The following KCNQ1 variants were observed in gnomAD, a reference collection of about 807,000 sequenced individuals.
KCNQ1 encodes potassium voltage-gated channel subfamily KQT member 1.
Under a neutral mutation model 72.4 loss-of-function variants are expected in KCNQ1, and 49 were observed. That is an observed-to-expected ratio of 0.68 (90% CI 0.54 to 0.86). The LOEUF (loss-of-function observed/expected upper bound fraction) is 0.86, where lower values mean the gene tolerates loss of function less well. Ranked by LOEUF, KCNQ1 falls within the 40% of genes least tolerant of loss-of-function variation. The pLI, the probability that KCNQ1 is intolerant of heterozygous loss-of-function variation, is 0.00. For synonymous variants in KCNQ1, 450 were observed against 412.6 expected (o/e 1.09, Z -1.10); for missense variants, 790 against 945.1 (o/e 0.84, Z 2.15).
intron 11 of KCNQ1, chr11:2,684,704 G>T (rs894723521): frequency 2.5e-6 from 1 of 398,662 alleles, no homozygotes; most frequent in Non-Finnish European, 4.4e-6. Flanking sequence ...ACTTGCTCAG[G>T]CGGAGGGGCC....
chr11:2,736,626 A>G (rs1031062176), intron 11 of KCNQ1, among the ~76,000 whole-genome samples: 1 of 151,198 alleles, frequency 6.6e-6, no homozygotes, highest in Non-Finnish European at 1.5e-5. Flanking sequence ...CCCACCCCCC[A>G]GTTACACAGC....
intron 11 of KCNQ1, chr11:2,686,412 G>A (rs1031880351): frequency 1.3e-5 from 5 of 398,508 alleles, no homozygotes; most frequent in African/African-American, 6.2e-5. Context: ...AGGATATTGT[G>A]GATACCTATG....
chr11:2,751,606 A>G (rs926990060), intron 11 of KCNQ1, among the ~76,000 whole-genome samples: 1 of 152,248 alleles, frequency 6.6e-6, no homozygotes, highest in Non-Finnish European at 1.5e-5. Context: ...CCTCTTTCAA[A>G]CGGGGCGGCG....
Position 2,670,621 on chromosome 11 carries a change from T to G in KCNQ1, c.1514+8540T>G. ...CAGACACACAATCTCTGGGGGAGCC[T>G]GGATATGCATGGCAGAGGCCAGGAT... On this transcript the variant is annotated intron_variant, in intron 11 of 15. Transcript: ENST00000155840. The surrounding 1 kb of genome is among the most constrained non-coding windows in gnomAD (Gnocchi z 4.9). 2.5e-6 allele frequency: 1 copy of G among 398,350 alleles called. No homozygotes were observed. The highest frequency in any genetic ancestry group is 3.6e-5 in the East Asian group (1 of 28,064). The allele number at this position is 398,350 out of a possible 1,614,324, so 24.7% of individuals were successfully genotyped here.
rs576365019 is a variant in KCNQ1 at position 2,763,216 on chromosome 11, G to A, written c.1515-5628G>A. 9.7e-4 allele frequency among the ~76,000 whole-genome samples: 147 copies of A among 152,130 alleles called. No individual in the cohort carries two copies. The Middle Eastern group carries it at 0.01, about 11-fold the overall frequency. Reference sequence around the variant, plus strand: ...AAGTCAAGTTAGGGCTTCTTTATCTGTCTCTCCAATGCTCAGTGCTTTTCT... The same window carrying A: ...AAGTCAAGTTAGGGCTTCTTTATCTATCTCTCCAATGCTCAGTGCTTTTCT... On this transcript the variant is annotated intron_variant, in intron 11 of 15. Transcript: ENST00000155840.
At chr11:2,694,808 G>A (rs1590037540) in intron 11 of KCNQ1, 1 of 398,540 alleles carries the variant, frequency 2.5e-6, no homozygotes, top group African/African-American at 2.1e-5. Context: ...TCGTCAGCTA[G>A]TGAGTGACTG....
chr11:2,550,639 G>A lies in KCNQ1; in HGVS notation c.478-19989G>A, dbSNP rs142940879. On this transcript the variant is annotated intron_variant, in intron 2 of 15. Transcript: ENST00000155840. This position sits in a 1 kb window ranked among gnomAD's most constrained non-coding sequence, Gnocchi z 6.0. ...GCGCCTCCCTGAGCAGGTGAATGAAGGGTGCTGGGGTGGCGAGTTGAGGGC... is the reference window on the plus strand; with the variant it reads ...GCGCCTCCCTGAGCAGGTGAATGAAAGGTGCTGGGGTGGCGAGTTGAGGGC... 2.1e-3 allele frequency among the ~76,000 whole-genome samples: 327 copies of A among 152,298 alleles called. 1 individual carries two copies. The highest frequency in any genetic ancestry group is 7.3e-3 in the African/African-American group (304 of 41,554).
In KCNQ1 at chr11:2,821,370, G is replaced by A. The variant is rs61869808; in HGVS notation, c.1795-26397G>A. Among the ~76,000 whole-genome samples the A allele has an allele frequency of 5.2e-3, 788 of 152,326 alleles. 1 individual carries two copies. The highest frequency in any genetic ancestry group is 8.2e-3 in the Non-Finnish European group (559 of 68,018). On this transcript the variant is annotated intron_variant, in intron 15 of 15. Transcript: ENST00000155840. ...GTGAGAATGGTGCCCATGGGGTCACGCCAGCCACACACACTTTCTCGAGAA... is the reference window on the plus strand; with the variant it reads ...GTGAGAATGGTGCCCATGGGGTCACACCAGCCACACACACTTTCTCGAGAA...
In KCNQ1 at chr11:2,659,155, T is replaced by C; in HGVS notation, c.1394-2806T>C. 2.5e-6 allele frequency: 1 copy of C among 398,632 alleles called. No homozygotes were observed. The highest frequency in any genetic ancestry group is 3.6e-5 in the East Asian group (1 of 28,080). The allele number at this position is 398,632 out of a possible 1,614,324, so 24.7% of individuals were successfully genotyped here. ...GTAAAATCCACTCTTTGAGATTCAG[T>C]TCTGTGGGTTTTGACAGATGTCTGG... On this transcript the variant is annotated intron_variant, in intron 10 of 15. Transcript: ENST00000155840. This position sits in a 1 kb window ranked among gnomAD's most constrained non-coding sequence, Gnocchi z 4.3.
rs1849281088 is a variant in KCNQ1, at chr11:2,627,524, T to C, written c.1394-34437T>C. On this transcript the variant is annotated intron_variant, in intron 10 of 15. Transcript: ENST00000155840. The surrounding 1 kb of genome is among the most constrained non-coding windows in gnomAD (Gnocchi z 4.9). The stretch of plus-strand genomic sequence containing the variant: ...TTCTCTGAGTTCAAGCTTTTTAGAA[T>C]TCCATATGTAACTGGGATAGTGCAG... 7.5e-6 allele frequency: 3 copies of C among 398,544 alleles called. No individual in the cohort carries two copies. Among genetic ancestry groups the C allele is most frequent in the Non-Finnish European group, 1.3e-5 (3 of 226,030 alleles). 24.7% of individuals were successfully genotyped at this position (398,544 alleles called of 1,614,324 possible). A position where few individuals can be genotyped will look rare whatever the true frequency, so the allele number is the denominator to read the frequency against.
At position 2,538,255 on chromosome 11, in the gene KCNQ1, C is replaced by T. The variant is rs1589937701; in HGVS notation, c.477+10237C>T. Among the ~76,000 whole-genome samples the T allele has an allele frequency of 6.6e-6, 1 of 152,310 alleles. No homozygotes were observed. Among genetic ancestry groups the T allele is most frequent in the Non-Finnish European group, 1.5e-5 (1 of 68,028 alleles). ...GTCACGCGGTTTCAGCTTCTTTGAC[C>T]TGGAGCAGCCCTGCCCGGCCTTCCC... On this transcript the variant is annotated intron_variant, in intron 2 of 15. Transcript: ENST00000155840. The surrounding 1 kb of genome is among the most constrained non-coding windows in gnomAD (Gnocchi z 6.7).
chr11:2,842,146 C>T (rs934285068), intron 15 of KCNQ1, among the ~76,000 whole-genome samples: 7 of 152,204 alleles, frequency 4.6e-5, no homozygotes, highest in African/African-American at 1.7e-4. Flanking sequence ...TGAGCGGACA[C>T]ACTCACCCTC....
At position 2,497,011 on chromosome 11, in the gene KCNQ1, G is replaced by A. The variant is rs550466789; in HGVS notation, c.387-30917G>A. Among the ~76,000 whole-genome samples, 6 of 152,294 alleles carry A rather than the reference G, an allele frequency of 3.9e-5. 1 individual carries two copies. In the East Asian group the frequency reaches 9.6e-4, roughly 24 times the overall value. ...ATTGGCTCCCACTCTCTTCTGGCTT[G>A]TAGGGTTTCTGCAGAGAGATTTGCT... On this transcript the variant is annotated intron_variant, in intron 1 of 15. Transcript: ENST00000155840. This position sits in a 1 kb window ranked among gnomAD's most constrained non-coding sequence, Gnocchi z 4.5.
At position 2,595,770 on chromosome 11, in the gene KCNQ1, C is replaced by T. The variant is rs1848725148; in HGVS notation, c.1393+6916C>T. 6.6e-6 allele frequency among the ~76,000 whole-genome samples: 1 copy of T among 152,170 alleles called. No individual in the cohort carries two copies. The highest frequency in any genetic ancestry group is 6.5e-5 in the Admixed American group (1 of 15,282). ...GCCCATAATCAAGGAGTAATGCCAA[C>T]TTTGAAGTCTTATTATTTAAGAAAT... is the stretch of plus-strand genomic sequence containing the variant. On this transcript the variant is annotated intron_variant, in intron 10 of 15. Coordinates refer to ENST00000155840, the MANE Select transcript of KCNQ1 (RefSeq NM_000218.3). The surrounding 1 kb of genome is among the most constrained non-coding windows in gnomAD (Gnocchi z 5.0).
intron 10 of KCNQ1, chr11:2,644,460 C>T (rs1262598464): frequency 2.5e-6 from 1 of 398,238 alleles, no homozygotes; most frequent in Admixed American, 4.4e-5. Flanking sequence ...GGGCAAATTT[C>T]TCATTCATAC....
chr11:2,531,370 C>A (rs1395327163), intron 2 of KCNQ1, among the ~76,000 whole-genome samples: 1 of 152,164 alleles, frequency 6.6e-6, no homozygotes, highest in Non-Finnish European at 1.5e-5. Context: ...GGCCCCCATG[C>A]GGCATCTAAA....
At chr11:2,556,048 C>T (rs994570312) in intron 2 of KCNQ1, among the ~76,000 whole-genome samples, 4 of 152,218 alleles carry the variant, frequency 2.6e-5, no homozygotes, top group African/African-American at 7.2e-5. Flanking sequence ...CTCCAGGTAT[C>T]AGCGAGGTGG....
intron 1 of KCNQ1, among the ~76,000 whole-genome samples, chr11:2,520,955 C>G (rs1360091656): frequency 6.6e-6 from 1 of 152,158 alleles, no homozygotes; most frequent in Non-Finnish European, 1.5e-5. Flanking sequence ...CAGTAGGGGT[C>G]TTTGAACATT....
chr11:2,632,229 G>GACTTA (rs1175302987), intron 10 of KCNQ1: 1 of 392,750 alleles, frequency 2.5e-6, no homozygotes, highest in East Asian at 3.6e-5. Context: ...TTTGTGTACT[G>GACTTA]ACTTACTATC....
Sources: allele counts gnomAD v4.1 joint callset (sites outside exome capture counted in the v4.1 genomes callset), GRCh38; gene constraint gnomAD v4.1.1; non-coding constraint Gnocchi (gnomAD v3.1); transcripts MANE v1.5; gene names NCBI Gene and HGNC (gene_info 2026-07-23, HGNC 2026-07-21).